MAP3K20: variants seen among roughly 807,000 people sequenced by gnomAD.
MAP3K20 encodes mitogen-activated protein kinase kinase kinase 20.
MAP3K20 carries 40 observed loss-of-function variants against 85.7 expected under a neutral mutation model. The observed-to-expected ratio is 0.47, with a 90% CI of 0.36 to 0.61. MAP3K20 has a LOEUF of 0.61. MAP3K20 is among the 20% of genes least tolerant of loss of function. The pLI is 0.00. For missense variants in MAP3K20, 817 were observed against 961.7 expected, an observed-to-expected ratio of 0.85 and a Z score of 1.99; for synonymous variants, 325 against 327.7, an observed-to-expected ratio of 0.99 and a Z score of 0.09.
At chr2:173,180,546 T>G (rs1381544837) in intron 3 of MAP3K20, among the ~76,000 whole-genome samples, 2 of 152,072 alleles carry the variant, frequency 1.3e-5, no homozygotes, top group African/African-American at 4.8e-5. Flanking sequence ...CGTGGTGATG[T>G]GCACCTGTAG....
intron 2 of MAP3K20, among the ~76,000 whole-genome samples, chr2:173,144,462 C>CAAAAAAAAAAAAAAAAAA (rs71018537): frequency 1.1e-5 from 1 of 92,878 alleles, no homozygotes; most frequent in Non-Finnish European, 2.1e-5. Context: ...GACTCCGTCT[C>CAAAAAAAAAAAAAAAAAA]AAAAAAAAAA....
At chr2:173,220,176 G>T (rs1158491317) in intron 11 of MAP3K20, among the ~76,000 whole-genome samples, 1 of 151,666 alleles carries the variant, frequency 6.6e-6, no homozygotes, top group African/African-American at 2.4e-5. Context: ...TTGAAACTAT[G>T]CCAAAAACAT....
intron 2 of MAP3K20, among the ~76,000 whole-genome samples, chr2:173,120,630 G>C (rs1350549107): frequency 6.6e-6 from 1 of 151,414 alleles, no homozygotes; most frequent in African/African-American, 2.4e-5. Context: ...ACAGAGCTCA[G>C]GGGTACTGTG....
intron 17 of MAP3K20, among the ~76,000 whole-genome samples, chr2:173,259,210 G>A (rs1334250140): frequency 6.6e-6 from 1 of 152,102 alleles, no homozygotes; most frequent in Non-Finnish European, 1.5e-5. Context: ...TCAATTTCCT[G>A]AAGGACTGAG....
intron 2 of MAP3K20, among the ~76,000 whole-genome samples, chr2:173,137,803 G>A (rs940989027): frequency 3.3e-5 from 5 of 151,978 alleles, no homozygotes; most frequent in African/African-American, 1.2e-4. Flanking sequence ...TGACACGTGG[G>A]CATCAACATT....
intron 2 of MAP3K20, among the ~76,000 whole-genome samples, chr2:173,164,182 A>T (rs956211250): frequency 6.6e-6 from 1 of 151,536 alleles, no homozygotes; most frequent in Non-Finnish European, 1.5e-5. Flanking sequence ...CTGGTCTCCA[A>T]CTCCTGCCCT....
chr2:173,135,951 A>G (rs1688787806), intron 2 of MAP3K20, among the ~76,000 whole-genome samples: 1 of 152,232 alleles, frequency 6.6e-6, no homozygotes, highest in Non-Finnish European at 1.5e-5. Context: ...TGCTTTAAAC[A>G]CTCAGTAGAA....
intron 3 of MAP3K20, among the ~76,000 whole-genome samples, chr2:173,170,600 A>G (rs575540811): frequency 2.5e-4 from 38 of 152,298 alleles, no homozygotes; most frequent in Non-Finnish European, 5.0e-4. Flanking sequence ...ACAAAGTCAA[A>G]CAAGAAAACC....
At chr2:173,174,044 T>A (rs1690083716) in intron 3 of MAP3K20, among the ~76,000 whole-genome samples, 1 of 152,170 alleles carries the variant, frequency 6.6e-6, no homozygotes, top group Admixed American at 6.5e-5. Flanking sequence ...CAATTTCCAA[T>A]GGGAAAACCA....
At chr2:173,259,020 A>T (rs942432129) in intron 17 of MAP3K20, among the ~76,000 whole-genome samples, 2 of 152,222 alleles carry the variant, frequency 1.3e-5, no homozygotes, top group Non-Finnish European at 2.9e-5. Context: ...GTGTGAACTA[A>T]AAAGCACTGC....
At chr2:173,187,450 A>C in intron 4 of MAP3K20, 108 bp from the exon 5 acceptor site, 1 of 829,178 alleles carries the variant, frequency 1.2e-6, no homozygotes. Flanking sequence ...GAAGAATAAG[A>C]CATGTGAATT....
intron 16 of MAP3K20, among the ~76,000 whole-genome samples, chr2:173,254,300 C>T (rs1229349168): frequency 4.0e-5 from 6 of 151,156 alleles, no homozygotes; most frequent in African/African-American, 1.5e-4. Context: ...TGGTGGCGGG[C>T]GCCTGTAGTC....
Position 173,164,261 on chromosome 2 carries a change from A to C in MAP3K20, c.160-5544A>C, listed in dbSNP as rs143397107. Among the ~76,000 whole-genome samples the C allele has an allele frequency of 6.8e-3, 1,030 of 152,256 alleles. 15 individuals carry two copies. The highest frequency in any genetic ancestry group is 0.021 in the African/African-American group (879 of 41,544). On this transcript the variant is annotated intron_variant, in intron 2 of 19. Transcript: ENST00000375213. ...AATAATAGCCATTCTAACTGGTGTG[A>C]GATGGTATCTCATTGTGGTTTTGAT... is the stretch of plus-strand genomic sequence containing the variant.
At chr2:173,234,871 C>T (rs1179150212) in intron 14 of MAP3K20, among the ~76,000 whole-genome samples, 1 of 152,174 alleles carries the variant, frequency 6.6e-6, no homozygotes, top group Non-Finnish European at 1.5e-5. Context: ...CAGGTTTACA[C>T]TTTGCTTCTG....
intron 1 of MAP3K20, among the ~76,000 whole-genome samples, chr2:173,077,270 C>T (rs141996691): frequency 7.9e-4 from 120 of 151,604 alleles, no homozygotes; most frequent in African/African-American, 2.3e-3. Flanking sequence ...GGATCCAAAC[C>T]TCCAAACACG....
At chr2:173,200,034 C>G (rs1291267098) in intron 8 of MAP3K20, among the ~76,000 whole-genome samples, 1 of 152,130 alleles carries the variant, frequency 6.6e-6, no homozygotes, top group Non-Finnish European at 1.5e-5. Context: ...ATGAAGACTA[C>G]TCAAATACTT....
chr2:173,178,717 G>A (rs1189101135), intron 3 of MAP3K20, among the ~76,000 whole-genome samples: 2 of 152,040 alleles, frequency 1.3e-5, no homozygotes, highest in Non-Finnish European at 2.9e-5. Flanking sequence ...GATTTCACTG[G>A]TGAATTCTAT....
intron 2 of MAP3K20, among the ~76,000 whole-genome samples, chr2:173,118,162 T>C (rs1688177044): frequency 6.6e-6 from 1 of 152,254 alleles, no homozygotes; most frequent in Non-Finnish European, 1.5e-5. Context: ...TCATCTCTTT[T>C]CTCTTTGTAA....
rs140454981 is a variant in MAP3K20, at chr2:173,243,775, C to T, written c.1359+4279C>T. ...TGGGACTACAACTACAGGCTCCCGC[C>T]ACCACGCCCGGCTAATTTTTGGTAT... On this transcript the variant is annotated intron_variant, in intron 16 of 19. Transcript: ENST00000375213. Among the ~76,000 whole-genome samples the T allele has an allele frequency of 1.1e-3, 175 of 152,280 alleles. 1 individual carries two copies. The highest frequency in any genetic ancestry group is 3.3e-3 in the African/African-American group (136 of 41,556).
Sources: allele counts gnomAD v4.1 joint callset (sites outside exome capture counted in the v4.1 genomes callset), GRCh38; gene constraint gnomAD v4.1.1; transcripts MANE v1.5; gene names NCBI Gene and HGNC (gene_info 2026-07-23, HGNC 2026-07-21).